Variants in GRAMD1B observed in about 807,000 individuals in gnomAD.
The protein encoded by GRAMD1B is GRAM domain containing 1B, also known as protein Aster-B.
GRAMD1B carries 37 observed loss-of-function variants against 99.7 expected under a neutral mutation model. The observed-to-expected ratio is 0.37, with a 90% confidence interval of 0.29 to 0.49. GRAMD1B has a LOEUF of 0.49. Ranked by LOEUF, GRAMD1B falls within the 20% of genes least tolerant of loss-of-function variation. The pLI is 0.98. For missense variants in GRAMD1B, 888 were observed against 1,009.2 expected, an observed-to-expected ratio of 0.88 and a Z score of 1.63; for synonymous variants, 427 against 387.6, an observed-to-expected ratio of 1.10 and a Z score of -1.19.
chr11:123,370,581 T>A (rs1946493418), intron 1 of GRAMD1B, among the ~76,000 whole-genome samples: 1 of 151,946 alleles, frequency 6.6e-6, no homozygotes, highest in African/African-American at 2.4e-5. Flanking sequence ...CTCAAGCAAT[T>A]CGTCCACCTC....
At position 123,540,636 on chromosome 11, in the gene GRAMD1B, G is replaced by A. The variant is rs956152736; in HGVS notation, c.453-36731G>A. Among the ~76,000 whole-genome samples the A allele has an allele frequency of 6.6e-5, 10 of 151,702 alleles. No homozygotes were observed. The East Asian group carries it at 1.7e-3, about 26-fold the overall frequency. ...TTAACACAAATTATCCATGGGCATT[G>A]TATAAAAATTAGAAAATATAAAGAG... On this transcript the variant is annotated intron_variant, in intron 2 of 19. Coordinates refer to ENST00000635736, the MANE Select transcript of GRAMD1B (RefSeq NM_001387025.1).
chr11:123,365,547 T>C lies in GRAMD1B; in HGVS notation c.-176+6748T>C, dbSNP rs190885788. Among the ~76,000 whole-genome samples, 14 of 152,334 alleles carry C rather than the reference T, an allele frequency of 9.2e-5. No individual in the cohort carries two copies. The East Asian group carries it at 2.1e-3, about 23-fold the overall frequency. On this transcript the variant is annotated intron_variant, in intron 1 of 20. Transcript: ENST00000638157. ...GATTACAGGCATGGATCACCATGCC[T>C]GGCCTACCCTACATTTTCAATGCCA...
chr11:123,473,251 A>G (rs1173356121), intron 1 of GRAMD1B, among the ~76,000 whole-genome samples: 6 of 152,152 alleles, frequency 3.9e-5, no homozygotes, highest in Non-Finnish European at 8.8e-5. Flanking sequence ...TGTAGTAGAG[A>G]CGGGGTTTCA....
chr11:123,619,319 C>G (rs1474434355), intron 19 of GRAMD1B, 95 bp downstream of exon 19: 1 of 1,529,648 alleles, frequency 6.5e-7, no homozygotes, highest in Non-Finnish European at 8.8e-7. Context: ...TATCACCACC[C>G]TCCAGACTTC....
chr11:123,614,783 A>G lies in GRAMD1B; in HGVS notation c.2266A>G (p.Asn756Asp), dbSNP rs757493522. The G allele has an allele frequency of 1.2e-6, 2 of 1,612,700 alleles. No homozygotes were observed. Among genetic ancestry groups the G allele is most frequent in the Non-Finnish European group, 8.5e-7 (1 of 1,178,838 alleles). Residue 756 changes from asparagine (N) to aspartate (D), a missense_variant, in exon 17 of 20, where the codon AAC becomes GAC. Transcript: ENST00000635736. ...QTRHIPEDTP[N>D]GFHLQSVSKL... is the part of the protein sequence containing the mutation. Reference sequence around the variant, plus strand: ...GCGGCATATCCCGGAGGACACCCCCAACGGTTTCCACCTGCAGAGCGTGTC... The same window carrying G: ...GCGGCATATCCCGGAGGACACCCCCGACGGTTTCCACCTGCAGAGCGTGTC...
chr11:123,367,694 T>C (rs2135711870), intron 1 of GRAMD1B, among the ~76,000 whole-genome samples: 1 of 152,016 alleles, frequency 6.6e-6, no homozygotes, highest in African/African-American at 2.4e-5. Flanking sequence ...CATTTTTTTT[T>C]CTTTTTTTTT....
At chr11:123,584,782 C>G (rs962739625) in intron 4 of GRAMD1B, among the ~76,000 whole-genome samples, 2 of 152,126 alleles carry the variant, frequency 1.3e-5, no homozygotes, top group Admixed American at 6.5e-5. Context: ...TGACCCCTGT[C>G]CCAAGTACCC....
chr11:123,515,011 C>T (rs1006499310), intron 2 of GRAMD1B, among the ~76,000 whole-genome samples: 1 of 152,162 alleles, frequency 6.6e-6, no homozygotes, highest in East Asian at 1.9e-4. Context: ...ACTGCAACTG[C>T]AAACCTAAAG....
chr11:123,565,155 C>T lies in GRAMD1B; in HGVS notation c.453-12212C>T, dbSNP rs372606622. Among the ~76,000 whole-genome samples, 66 of 152,036 alleles carry T rather than the reference C, an allele frequency of 4.3e-4. No homozygotes were observed. In the South Asian group the frequency reaches 0.013, roughly 29 times the overall value. Reference sequence around the variant, plus strand: ...CTCAGGTGATCTTCCTGCCCCAACCCCTGAACAGCTGGGACTACAGGCATC... The same window carrying T: ...CTCAGGTGATCTTCCTGCCCCAACCTCTGAACAGCTGGGACTACAGGCATC... On this transcript the variant is annotated intron_variant, in intron 2 of 19. Coordinates refer to ENST00000635736, the MANE Select transcript of GRAMD1B (RefSeq NM_001387025.1).
chr11:123,528,107 G>C (rs1167507877), intron 2 of GRAMD1B, among the ~76,000 whole-genome samples: 1 of 152,180 alleles, frequency 6.6e-6, no homozygotes, highest in African/African-American at 2.4e-5. Flanking sequence ...AAACCTTGTA[G>C]TTGTGGATGA....
Position 123,609,826 on chromosome 11 carries a change from G to T in GRAMD1B, c.1689G>T (p.Glu563Asp), listed in dbSNP as rs757192032. 40 of 1,601,952 alleles carry T rather than the reference G, an allele frequency of 2.5e-5. 1 individual carries two copies. In the South Asian group the frequency reaches 4.5e-4, roughly 18 times the overall value. Residue 563 changes from glutamate to aspartate, a missense_variant, in exon 13 of 20, where the codon GAG (glutamate) becomes GAT (aspartate). By Grantham distance (45) the Glu-to-Asp change is conservative (BLOSUM62 2). Around this residue, in one of 5 missense-constraint regions of GRAMD1B, gnomAD observed 92 missense variants for 156.9 expected, o/e 0.59. Coordinates refer to ENST00000635736, the MANE Select transcript of GRAMD1B (RefSeq NM_001387025.1). ...TCTTCCATCCATGGAAAAAGGAGGA[G>T]AATGGAAACCAGAGCCGAGTGATTC... Reference protein sequence around the residue: ...DIIFHPWKKEENGNQSRVILY... With the variant: ...DIIFHPWKKEDNGNQSRVILY...
chr11:123,372,909 T>C (rs1346315592), intron 1 of GRAMD1B, among the ~76,000 whole-genome samples: 5 of 151,880 alleles, frequency 3.3e-5, no homozygotes, highest in Admixed American at 6.6e-5. Context: ...GAAGGCTGAG[T>C]TGGGTAGATC....
intron 1 of GRAMD1B, among the ~76,000 whole-genome samples, chr11:123,467,837 CCCTCCCTTCCTT>C (rs1950775864): frequency 1.9e-5 from 1 of 52,472 alleles, no homozygotes; most frequent in South Asian, 1.0e-3. Context: ...CTCCCTCCCT[CCCTCCCTTCCTT>C]CCTTCCTTCC....
At chr11:123,533,272 G>A (rs2135574850) in intron 2 of GRAMD1B, among the ~76,000 whole-genome samples, 1 of 151,502 alleles carries the variant, frequency 6.6e-6, no homozygotes, top group Non-Finnish European at 1.5e-5. Flanking sequence ...CGCCTGGCCT[G>A]TTTATTAATT....
intron 2 of GRAMD1B, among the ~76,000 whole-genome samples, chr11:123,548,811 G>A (rs952150532): frequency 2.1e-4 from 32 of 152,120 alleles, no homozygotes; most frequent in Non-Finnish European, 2.6e-4. Context: ...GTCTTGTCAT[G>A]TTGCCTAGGC....
intron 1 of GRAMD1B, among the ~76,000 whole-genome samples, chr11:123,393,552 A>G (rs1208908512): frequency 1.3e-5 from 2 of 152,212 alleles, no homozygotes; most frequent in Non-Finnish European, 2.9e-5. Flanking sequence ...GCATGCTGGC[A>G]ATGATAGGTC....
intron 1 of GRAMD1B, chr11:123,459,436 A>G (rs55772907): frequency 0.16 from 24,412 of 151,712 alleles, 2,245 homozygotes; most frequent in Non-Finnish European, 0.21. Flanking sequence ...TCTATTTTTA[A>G]TAGAGGTGGG....
At chr11:123,522,178 C>T (rs974921288) in intron 2 of GRAMD1B, among the ~76,000 whole-genome samples, 2 of 152,128 alleles carry the variant, frequency 1.3e-5, no homozygotes, top group Non-Finnish European at 2.9e-5. Context: ...ACTTTTCAAA[C>T]CATGGAGACT....
Position 123,384,331 on chromosome 11 carries a change from A to G in GRAMD1B, c.-176+25532A>G, listed in dbSNP as rs183288468. Among the ~76,000 whole-genome samples the G allele has an allele frequency of 7.2e-5, 11 of 152,302 alleles. No individual in the cohort carries two copies. The East Asian group carries it at 1.9e-3, about 27-fold the overall frequency. On this transcript the variant is annotated intron_variant, in intron 1 of 20. Coordinates refer to the GRAMD1B transcript ENST00000638157. ...TCCCAAATGCCAAATCCAGTGGCCT[A>G]TTTCTAGACCTCATCCTGCTTCACA...
Sources: allele counts gnomAD v4.1 joint callset (sites outside exome capture counted in the v4.1 genomes callset), GRCh38; gene constraint gnomAD v4.1.1; regional missense constraint gnomAD v4.1.1; transcripts MANE v1.5; gene names NCBI Gene and HGNC (gene_info 2026-07-23, HGNC 2026-07-21).